Variants in SND1 observed in about 807,000 individuals in gnomAD.
SND1 encodes the protein staphylococcal nuclease domain-containing protein 1.
A neutral mutation model predicts 121.7 loss-of-function variants in SND1; 38 were observed. The observed-to-expected ratio is 0.31, with a 90% CI of 0.24 to 0.41. The LOEUF is 0.41. Among genes scored for constraint, SND1 ranks in the 10% least tolerant of loss-of-function variants. The pLI is 1.00. For synonymous variants in SND1, 401 were observed against 447.4 expected, an observed-to-expected ratio of 0.90 and a Z score of 1.31; for missense variants, 868 against 1,184.6, an observed-to-expected ratio of 0.73 and a Z score of 3.92.
intron 12 of SND1, among the ~76,000 whole-genome samples, chr7:127,882,802 A>T (rs1163192536): frequency 6.6e-6 from 1 of 152,184 alleles, no homozygotes; most frequent in Non-Finnish European, 1.5e-5. Context: ...ATTGTGTGCC[A>T]TGACATTATG....
chr7:127,740,897 GC>G (rs1796869609), intron 10 of SND1, among the ~76,000 whole-genome samples: 1 of 152,204 alleles, frequency 6.6e-6, no homozygotes, highest in Non-Finnish European at 1.5e-5. Context: ...ATGTTGTTTA[GC>G]CTGCTTTAAG....
chr7:127,691,887 C>T (rs1205234030), intron 2 of SND1, among the ~76,000 whole-genome samples: 1 of 151,566 alleles, frequency 6.6e-6, no homozygotes, highest in Non-Finnish European at 1.5e-5. Flanking sequence ...GAGTCTTGGC[C>T]TCCCAAAGTG....
At chr7:127,723,674 TTGTGAG>T (rs557109214) in intron 10 of SND1, among the ~76,000 whole-genome samples, 195 of 152,304 alleles carry the variant, frequency 1.3e-3, no homozygotes, top group African/African-American at 4.4e-3. Context: ...CTGCTGTACC[TTGTGAG>T]TGTCAAGGAT....
intron 15 of SND1, among the ~76,000 whole-genome samples, chr7:127,967,874 C>T (rs1225750111): frequency 6.6e-6 from 1 of 152,182 alleles, no homozygotes; most frequent in Non-Finnish European, 1.5e-5. Flanking sequence ...TGCTAAAACT[C>T]ATCAGGAAGA....
chr7:127,712,268 C>T (rs1383093908), intron 9 of SND1, among the ~76,000 whole-genome samples: 5 of 152,148 alleles, frequency 3.3e-5, no homozygotes, highest in African/African-American at 7.2e-5. Flanking sequence ...AAGCGATCCT[C>T]GTGCCTCAGC....
chr7:127,731,410 C>T (rs1796673536), intron 10 of SND1, among the ~76,000 whole-genome samples: 1 of 152,170 alleles, frequency 6.6e-6, no homozygotes, highest in South Asian at 2.1e-4. Context: ...GAAGCTAGCC[C>T]AGCCCTTAGC....
chr7:128,092,331 A>G lies in SND1; in HGVS notation c.*273A>G. The stretch of plus-strand genomic sequence containing the variant: ...TTGGAGGTTTGTGGGCTTTTTTTAA[A>G]AAAAAAAAGTCCTCAAATCAGGAAG... On this transcript the variant is annotated 3_prime_UTR_variant, in exon 24 of 24. Transcript: ENST00000354725. This position sits in a 1 kb window ranked among gnomAD's most constrained non-coding sequence, Gnocchi z 4.9. 1 of 460,384 alleles carries G rather than the reference A, an allele frequency of 2.2e-6. No homozygotes were observed. Among genetic ancestry groups the G allele is most frequent in the East Asian group, 3.3e-5 (1 of 30,436 alleles). 28.5% of individuals were successfully genotyped at this position (460,384 alleles called of 1,614,324 possible).
At chr7:128,045,949 A>G (rs1262071762) in intron 16 of SND1, among the ~76,000 whole-genome samples, 1 of 152,228 alleles carries the variant, frequency 6.6e-6, no homozygotes, top group African/African-American at 2.4e-5. Context: ...CAAGCATCTC[A>G]GCTGACTTCC....
chr7:127,813,203 T>C (rs776687951), intron 11 of SND1, among the ~76,000 whole-genome samples: 9 of 152,214 alleles, frequency 5.9e-5, no homozygotes, highest in Non-Finnish European at 1.2e-4. Flanking sequence ...GTTCTCCCAC[T>C]TGGAAGTGGT....
chr7:127,825,487 A>C (rs185446394), intron 11 of SND1, among the ~76,000 whole-genome samples: 24 of 151,660 alleles, frequency 1.6e-4, no homozygotes, highest in African/African-American at 5.8e-4. Context: ...GGTTCACTAC[A>C]ACCTCTGCCT....
chr7:128,069,183 G>A (rs552806852), intron 16 of SND1, among the ~76,000 whole-genome samples: 2 of 152,326 alleles, frequency 1.3e-5, no homozygotes, highest in African/African-American at 4.8e-5. Flanking sequence ...CCGGGTGTAA[G>A]AAACCCAAAG....
intron 16 of SND1, among the ~76,000 whole-genome samples, chr7:128,070,683 C>T (rs919807829): frequency 6.6e-5 from 10 of 152,160 alleles, no homozygotes; most frequent in Non-Finnish European, 1.2e-4. Context: ...CCTCCCCTAA[C>T]GTGTCTTCTG....
At chr7:127,759,466 G>C (rs1797261690) in intron 10 of SND1, among the ~76,000 whole-genome samples, 1 of 152,052 alleles carries the variant, frequency 6.6e-6, no homozygotes, top group Non-Finnish European at 1.5e-5. Context: ...ATCCTTCTTT[G>C]ATCCATTTCT....
chr7:127,873,048 A>G (rs1383779312), intron 12 of SND1, among the ~76,000 whole-genome samples: 1 of 152,154 alleles, frequency 6.6e-6, no homozygotes. Flanking sequence ...TAAGATACTC[A>G]TCTCTTATAT....
intron 12 of SND1, among the ~76,000 whole-genome samples, chr7:127,884,324 T>A (rs1458840861): frequency 6.6e-6 from 1 of 152,156 alleles, no homozygotes; most frequent in Non-Finnish European, 1.5e-5. Flanking sequence ...TCTATATCTA[T>A]TGAAAACCAT....
chr7:127,914,595 A>T (rs147481406), intron 14 of SND1, among the ~76,000 whole-genome samples: 1 of 152,306 alleles, frequency 6.6e-6, no homozygotes, highest in Non-Finnish European at 1.5e-5. Flanking sequence ...TGCCCAGTTT[A>T]CATTCAGTTT....
At position 127,969,883 on chromosome 7, in the gene SND1, C is replaced by A. The variant is rs185252272; in HGVS notation, c.1670-21064C>A. On this transcript the variant is annotated intron_variant, in intron 15 of 23. Transcript: ENST00000354725. ...ATATGCCCTTTATAATCCCCGTGAT[C>A]TAGGACAACTTGCTTAACCTATCTT... is the stretch of plus-strand genomic sequence containing the variant. Among the ~76,000 whole-genome samples the A allele has an allele frequency of 5.4e-3, 823 of 152,312 alleles. 7 individuals carry two copies. Among genetic ancestry groups the A allele is most frequent in the African/African-American group, 0.019 (775 of 41,568 alleles).
At chr7:127,765,380 CGTCTCACTCAGACATAT>C (rs1447768044) in intron 10 of SND1, among the ~76,000 whole-genome samples, 1 of 152,234 alleles carries the variant, frequency 6.6e-6, no homozygotes, top group South Asian at 2.1e-4. Context: ...GTGATTGGCA[CGTCTCACTCAGACATAT>C]GTCTCACTCA....
intron 10 of SND1, among the ~76,000 whole-genome samples, chr7:127,761,913 C>T (rs1330685456): frequency 6.6e-6 from 1 of 152,164 alleles, no homozygotes; most frequent in African/African-American, 2.4e-5. Context: ...TTTAAGCATG[C>T]TCAAGAACTG....
Sources: allele counts gnomAD v4.1 joint callset (sites outside exome capture counted in the v4.1 genomes callset), GRCh38; gene constraint gnomAD v4.1.1; non-coding constraint Gnocchi (gnomAD v3.1); transcripts MANE v1.5; gene names NCBI Gene and HGNC (gene_info 2026-07-23, HGNC 2026-07-21).